NHSL1: variants seen among roughly 807,000 people sequenced by gnomAD.
NHSL1 encodes the protein NHS like 1, also known as NHS-like protein 1.
In NHSL1, 48 loss-of-function variants were observed where a neutral mutation model predicts 95.0. That is an observed-to-expected ratio of 0.51 (90% CI 0.40 to 0.64). NHSL1 has a LOEUF of 0.64. NHSL1 is among the 30% of genes least tolerant of loss of function. NHSL1 has a pLI of 0.00. For synonymous variants in NHSL1, 783 were observed against 833.9 expected, an observed-to-expected ratio of 0.94 and a Z score of 1.05; for missense variants, 1,971 against 2,077.7, an observed-to-expected ratio of 0.95 and a Z score of 1.00.
At chr6:138,650,128 G>GT in intron 1 of NHSL1, 1 of 532,856 alleles carries the variant, frequency 1.9e-6, no homozygotes, top group East Asian at 5.3e-5. Flanking sequence ...TCTGGTTGTT[G>GT]TTGGGTTGGA....
intron 1 of NHSL1, among the ~76,000 whole-genome samples, chr6:138,623,864 A>C (rs982760132): frequency 3.3e-5 from 5 of 152,158 alleles, no homozygotes; most frequent in African/African-American, 1.2e-4. Flanking sequence ...CGCTCTCGTG[A>C]TAGTGAGTGA....
chr6:138,496,759 G>A (rs191050934), intron 1 of NHSL1, among the ~76,000 whole-genome samples: 74 of 152,234 alleles, frequency 4.9e-4, no homozygotes, highest in African/African-American at 1.6e-3. Flanking sequence ...TAATGCCATC[G>A]CAACAGTAAA....
intron 1 of NHSL1, among the ~76,000 whole-genome samples, chr6:138,617,813 T>C (rs928072737): frequency 1.3e-5 from 2 of 152,224 alleles, no homozygotes; most frequent in South Asian, 2.1e-4. Context: ...TCCCTCTCCC[T>C]GTCAGATCTC....
chr6:138,508,704 G>A (rs960496710), intron 1 of NHSL1, among the ~76,000 whole-genome samples: 2 of 152,070 alleles, frequency 1.3e-5, no homozygotes, highest in African/African-American at 4.8e-5. Flanking sequence ...TACCCACTTG[G>A]CATACCTCTA....
intron 1 of NHSL1, among the ~76,000 whole-genome samples, chr6:138,556,970 T>C (rs1383524471): frequency 1.3e-5 from 2 of 152,042 alleles, no homozygotes; most frequent in Non-Finnish European, 2.9e-5. Context: ...AATCAACAAG[T>C]AATTAGAGAA....
At chr6:138,445,120 A>G (rs993011069) in intron 4 of NHSL1, among the ~76,000 whole-genome samples, 2 of 152,226 alleles carry the variant, frequency 1.3e-5, no homozygotes, top group Non-Finnish European at 2.9e-5. Flanking sequence ...AGTGTAATTC[A>G]TTGCAAATAA....
chr6:138,577,015 GGAATTCCTAAGTCAAATGCCCAT>G (rs1783982219), upstream of NHSL1, among the ~76,000 whole-genome samples: 1 of 152,118 alleles, frequency 6.6e-6, no homozygotes, highest in African/African-American at 2.4e-5. Context: ...ATCTCCTTTG[GGAATTCCTAAGTCAAATGCCCAT>G]GAATTTGGAA....
At chr6:138,428,211 TAGAC>T (rs1420304105) in intron 7 of NHSL1, among the ~76,000 whole-genome samples, 1 of 152,208 alleles carries the variant, frequency 6.6e-6, no homozygotes, top group Admixed American at 6.5e-5. Context: ...CTATTATAAA[TAGAC>T]AGATATGCCT....
At chr6:138,554,289 T>C (rs4498379) in intron 1 of NHSL1, among the ~76,000 whole-genome samples, 20,580 of 152,176 alleles carry the variant, frequency 0.14, 2,937 homozygotes, top group African/African-American at 0.37. Flanking sequence ...TGACTTGCAA[T>C]GTATACAGAT....
intron 3 of NHSL1, among the ~76,000 whole-genome samples, chr6:138,448,319 C>T (rs1449335294): frequency 1.3e-5 from 2 of 152,082 alleles, no homozygotes; most frequent in Admixed American, 6.6e-5. Context: ...AATCGACTTT[C>T]GTGGGGGAAA....
intron 7 of NHSL1, among the ~76,000 whole-genome samples, chr6:138,426,091 T>C (rs1015791676): frequency 6.6e-6 from 1 of 152,246 alleles, no homozygotes. Context: ...CTTGCTGGTC[T>C]CTTCATGACA....
intron 1 of NHSL1, among the ~76,000 whole-genome samples, chr6:138,643,960 T>C (rs1784986921): frequency 6.7e-6 from 1 of 149,274 alleles, no homozygotes; most frequent in South Asian, 2.1e-4. Flanking sequence ...ACTGTGCCAC[T>C]GCACTCCACC....
intron 2 of NHSL1, among the ~76,000 whole-genome samples, chr6:138,476,678 A>C (rs1194675782): frequency 1.3e-5 from 2 of 152,010 alleles, no homozygotes; most frequent in Admixed American, 6.6e-5. Context: ...AAATACAAAA[A>C]TTAGCCGGGT....
At chr6:138,544,746 C>T (rs1412467531) in intron 1 of NHSL1, among the ~76,000 whole-genome samples, 2 of 152,110 alleles carry the variant, frequency 1.3e-5, no homozygotes, top group East Asian at 3.9e-4. Context: ...CCCCCTCTAC[C>T]CCCACCATTT....
At chr6:138,521,294 C>T (rs1781671535) in intron 1 of NHSL1, among the ~76,000 whole-genome samples, 1 of 152,018 alleles carries the variant, frequency 6.6e-6, no homozygotes, top group Non-Finnish European at 1.5e-5. Flanking sequence ...ACCCCCATCT[C>T]TACAAAAATA....
chr6:138,608,178 G>A (rs1784460122), intron 1 of NHSL1, among the ~76,000 whole-genome samples: 4 of 152,182 alleles, frequency 2.6e-5, no homozygotes, highest in African/African-American at 4.8e-5. Flanking sequence ...ACTAAATGAA[G>A]GCTTTAGTCT....
intron 1 of NHSL1, among the ~76,000 whole-genome samples, chr6:138,538,455 G>A (rs1170191107): frequency 6.6e-6 from 1 of 152,128 alleles, no homozygotes; most frequent in Non-Finnish European, 1.5e-5. Context: ...CTTCTACCAA[G>A]TCAAGCATCC....
At chr6:138,446,686 C>T (rs1776883733) in intron 4 of NHSL1, 1 of 245,576 alleles carries the variant, frequency 4.1e-6, no homozygotes. Flanking sequence ...ACCACATTTA[C>T]AAGATGTTTC....
chr6:138,489,686 C>A (rs922726685), intron 2 of NHSL1, among the ~76,000 whole-genome samples: 1 of 144,844 alleles, frequency 6.9e-6, no homozygotes, highest in Admixed American at 7.0e-5. Flanking sequence ...GGATTGGGCC[C>A]GGGAAGTCAA....
Sources: allele counts gnomAD v4.1 joint callset (sites outside exome capture counted in the v4.1 genomes callset), GRCh38; gene constraint gnomAD v4.1.1; transcripts MANE v1.5; gene names NCBI Gene and HGNC (gene_info 2026-07-23, HGNC 2026-07-21).